The following CXADR variants were observed in gnomAD, a reference collection of about 807,000 sequenced individuals.
The protein encoded by CXADR is CXADR cell adhesion molecule, also known as coxsackievirus and adenovirus receptor.
In CXADR, 20 loss-of-function variants were observed where a neutral mutation model predicts 40.3. That is an observed-to-expected ratio of 0.50 (90% CI 0.35 to 0.72). The LOEUF (loss-of-function observed/expected upper bound fraction) is 0.72, where lower values mean the gene tolerates loss of function less well. CXADR is among the 30% of genes least tolerant of loss of function. The probability of loss-of-function intolerance (pLI) is 0.01; values close to 1 mark genes in which losing one functional copy is unlikely to be tolerated. For synonymous variants in CXADR, 150 were observed against 161.3 expected (o/e 0.93, Z 0.53); for missense variants, 332 against 449.1 (o/e 0.74, Z 2.36).
chr21:17,573,980 G>A (rs926733910), downstream of CXADR, among the ~76,000 whole-genome samples: 2 of 152,174 alleles, frequency 1.3e-5, no homozygotes, highest in Non-Finnish European at 2.9e-5. Flanking sequence ...GTTTTTGAGG[G>A]AAGTAAAGCT....
chr21:17,559,668 G>GTTTTTTTTTTT (rs1491548660), intron 4 of CXADR, among the ~76,000 whole-genome samples: 5 of 106,208 alleles, frequency 4.7e-5, no homozygotes, highest in African/African-American at 7.5e-5. Flanking sequence ...CTTTTTTTTG[G>GTTTTTTTTTTT]GTTTTTTTTT....
intron 1 of CXADR, chr21:17,518,800 AC>A: frequency 6.4e-7 from 1 of 1,570,730 alleles, no homozygotes; most frequent in Non-Finnish European, 8.8e-7. Context: ...GAAGTGAATA[AC>A]TGTCCCATCA....
Position 17,552,383 on chromosome 21 carries a change from A to C in CXADR, c.415+430A>C, listed in dbSNP as rs117043576. On this transcript the variant is annotated intron_variant, in intron 3 of 6. Coordinates refer to ENST00000284878, the MANE Select transcript of CXADR (RefSeq NM_001338.5). Reference sequence around the variant, plus strand: ...AATTCAAGTAAGGCCATTAGGCATCACATAGTATTTAAGCTTCTTGGCATC... The same window carrying C: ...AATTCAAGTAAGGCCATTAGGCATCCCATAGTATTTAAGCTTCTTGGCATC... Among the ~76,000 whole-genome samples the C allele has an allele frequency of 4.8e-3, 724 of 152,334 alleles. 28 individuals carry two copies. The East Asian group carries it at 0.098, about 21-fold the overall frequency.
At position 17,514,531 on chromosome 21, in the gene CXADR, G is replaced by A. The variant is rs1347995316; in HGVS notation, c.43+1359G>A. Among the ~76,000 whole-genome samples the A allele has an allele frequency of 2.1e-5, 3 of 146,208 alleles. No individual in the cohort carries two copies. The Admixed American group carries it at 2.1e-4, about 10-fold the overall frequency. ...TCTTTTTTTTGTCTAGGCCGAACCTGAAGATGAAGTTGAGAACACAGTGTG... is the reference window on the plus strand; with the variant it reads ...TCTTTTTTTTGTCTAGGCCGAACCTAAAGATGAAGTTGAGAACACAGTGTG... On this transcript the variant is annotated intron_variant, in intron 1 of 6. Coordinates refer to ENST00000284878, the MANE Select transcript of CXADR (RefSeq NM_001338.5).
intron 4 of CXADR, 132 bp from the exon 5 acceptor site, chr21:17,560,570 T>G (rs756147064): frequency 5.2e-5 from 39 of 756,482 alleles, no homozygotes; most frequent in Non-Finnish European, 7.8e-5. Flanking sequence ...CAATGCCAGT[T>G]TGCTTGCATC....
chr21:17,531,890 C>T lies in CXADR; in HGVS notation c.44-15137C>T, dbSNP rs529617588. On this transcript the variant is annotated intron_variant, in intron 1 of 6. Coordinates refer to ENST00000284878, the MANE Select transcript of CXADR (RefSeq NM_001338.5). ...GAGATTACAGGCTTGAGCTACGGTACCTAGGGTCTAATAAAAGGTGTCTTA... is the reference window on the plus strand; with the variant it reads ...GAGATTACAGGCTTGAGCTACGGTATCTAGGGTCTAATAAAAGGTGTCTTA... 4.5e-4 allele frequency among the ~76,000 whole-genome samples: 68 copies of T among 151,656 alleles called. 1 individual carries two copies. Among genetic ancestry groups the T allele is most frequent in the Non-Finnish European group, 7.8e-4 (53 of 67,970 alleles).
the CXADR span, among the ~76,000 whole-genome samples, chr21:17,606,075 A>G: frequency 1.3e-5 from 2 of 152,272 alleles, no homozygotes; most frequent in East Asian, 1.9e-4. Flanking sequence ...GGTAATAGGA[A>G]TAAGTGTTTC....
chr21:17,602,128 T>C, the CXADR span, among the ~76,000 whole-genome samples: 6 of 151,832 alleles, frequency 4.0e-5, no homozygotes, highest in African/African-American at 9.7e-5. Context: ...TAACACTCTA[T>C]TGGGGGAAAA....
At position 17,547,232 on chromosome 21, in the gene CXADR, G is replaced by T. The variant is rs566794037; in HGVS notation, c.210+39G>T. The T allele has an allele frequency of 5.6e-6, 9 of 1,611,984 alleles. No homozygotes were observed. The African/African-American group carries it at 8.0e-5, about 14-fold the overall frequency. On this transcript the variant is annotated intron_variant, in intron 2 of 6. Coordinates refer to ENST00000284878, the MANE Select transcript of CXADR (RefSeq NM_001338.5). ...GTCCTTGCTCGCTTAGCAGCTGTCT[G>T]TGCAACTATCTGATGTGTCCATCAC...
intron 7 of CXADR, among the ~76,000 whole-genome samples, chr21:17,590,454 C>G (rs1402758408): frequency 6.6e-6 from 1 of 151,876 alleles, no homozygotes; most frequent in Non-Finnish European, 1.5e-5. Flanking sequence ...TGGACTAATG[C>G]TATTAAATTT....
At chr21:17,578,855 C>T (rs959502140) in intron 7 of CXADR, among the ~76,000 whole-genome samples, 1 of 152,030 alleles carries the variant, frequency 6.6e-6, no homozygotes, top group Non-Finnish European at 1.5e-5. Context: ...GGAAGCAGTA[C>T]ATTTTGCATA....
At chr21:17,577,404 A>T (rs188782534) in intron 7 of CXADR, among the ~76,000 whole-genome samples, 2 of 152,216 alleles carry the variant, frequency 1.3e-5, no homozygotes, top group Admixed American at 6.5e-5. Flanking sequence ...ATGTTTCATT[A>T]AGTTGACGTT....
chr21:17,578,437 C>T lies in CXADR; in HGVS notation c.1017+12826C>T, dbSNP rs111802217. 4.8e-3 allele frequency among the ~76,000 whole-genome samples: 725 copies of T among 152,206 alleles called. 11 individuals are homozygous for T. The highest frequency in any genetic ancestry group is 0.02 in the Middle Eastern group (6 of 294). Reference sequence around the variant, plus strand: ...AAGCCCAAGTCAGCGCCCTGGGGCACGCAGGAACTAAGAAAACCCTACTGT... The same window carrying T: ...AAGCCCAAGTCAGCGCCCTGGGGCATGCAGGAACTAAGAAAACCCTACTGT... On this transcript the variant is annotated intron_variant, in intron 7 of 7. Transcript: ENST00000400169.
the CXADR span, chr21:17,613,047 C>T: frequency 2.6e-5 from 4 of 152,006 alleles, no homozygotes; most frequent in Non-Finnish European, 4.4e-5. Flanking sequence ...GAGGCCACCC[C>T]CGAGCCCCGG....
rs759371443 is a variant in CXADR at position 17,560,685 on chromosome 21, T to C, written c.572-17T>C. The stretch of plus-strand genomic sequence containing the variant: ...TACTATAAAAATGAGTTTGTTTTCT[T>C]TTTCCTCCTTCCATAGAAATGACTT... On this transcript the variant is annotated splice_polypyrimidine_tract_variant and intron_variant, in intron 4 of 6. Transcript: ENST00000284878. 17 of 1,608,322 alleles carry C rather than the reference T, an allele frequency of 1.1e-5. No homozygotes were observed. The African/African-American group carries it at 2.1e-4, about 20-fold the overall frequency.
chr21:17,546,180 A>G (rs2060894804), intron 1 of CXADR, among the ~76,000 whole-genome samples: 1 of 152,236 alleles, frequency 6.6e-6, no homozygotes, highest in Admixed American at 6.5e-5. Context: ...ATTCAATAGA[A>G]GGTTATAGAA....
intron 4 of CXADR, among the ~76,000 whole-genome samples, chr21:17,560,221 C>T (rs547397235): frequency 1.3e-5 from 2 of 152,264 alleles, no homozygotes; most frequent in African/African-American, 4.8e-5. Flanking sequence ...CCCCGCCATC[C>T]ACTGCATCCT....
chr21:17,567,446 G>T lies in CXADR; in HGVS notation c.*1754G>T. The T allele has an allele frequency of 1.0e-6, 1 of 985,236 alleles. No homozygotes were observed. The highest frequency in any genetic ancestry group is 1.7e-5 in the African/African-American group (1 of 57,314). 61.0% of individuals were successfully genotyped at this position (985,236 alleles called of 1,614,324 possible). ...ATTTAATTTCTATTATGAATTTCTG[G>T]TGCCTATGAGCTAGCTATCACCTAC... On this transcript the variant is annotated 3_prime_UTR_variant, in exon 7 of 7. Coordinates refer to ENST00000284878, the MANE Select transcript of CXADR (RefSeq NM_001338.5).
chr21:17,582,482 A>T (rs1027033337), intron 7 of CXADR, among the ~76,000 whole-genome samples: 1 of 151,792 alleles, frequency 6.6e-6, no homozygotes, highest in Admixed American at 6.6e-5. Flanking sequence ...ACACTGACTT[A>T]TCTCTCCCTC....
Sources: gnomAD v4.1 joint callset for allele counts (sites outside exome capture counted in the v4.1 genomes callset) on GRCh38, gnomAD v4.1.1 for gene constraint, MANE v1.5 for transcripts, NCBI Gene and HGNC (gene_info 2026-07-23, HGNC 2026-07-21) for gene names.